Variants in BLM observed in about 807,000 individuals in gnomAD.
BLM encodes BLM RecQ like helicase.
BLM carries 95 observed loss-of-function variants against 135.3 expected under a neutral mutation model. That is an observed-to-expected ratio of 0.70 (90% CI 0.59 to 0.83). The LOEUF is 0.83. BLM is among the 40% of genes least tolerant of loss of function. The probability of loss-of-function intolerance (pLI) is 0.00; values close to 1 mark genes in which losing one functional copy is unlikely to be tolerated. For synonymous variants in BLM, 520 were observed against 589.2 expected, an observed-to-expected ratio of 0.88 and a Z score of 1.70; for missense variants, 1,518 against 1,663.9, an observed-to-expected ratio of 0.91 and a Z score of 1.53.
chr15:90,732,178 C>A (rs2151133253), intron 1 of BLM, among the ~76,000 whole-genome samples: 1 of 152,208 alleles, frequency 6.6e-6, no homozygotes, highest in East Asian at 1.9e-4. Flanking sequence ...ACTATGATAT[C>A]TTACTTGACT....
At position 90,751,772 on chromosome 15, in the gene BLM, A is replaced by G; in HGVS notation, c.800-15A>G. 1 of 1,604,296 alleles carries G rather than the reference A, an allele frequency of 6.2e-7. No individual in the cohort carries two copies. Among genetic ancestry groups the G allele is most frequent in the Non-Finnish European group, 8.5e-7 (1 of 1,171,668 alleles). On this transcript the variant is annotated splice_polypyrimidine_tract_variant and intron_variant, in intron 3 of 21. Coordinates refer to ENST00000355112, the MANE Select transcript of BLM (RefSeq NM_000057.4). ...GTGGTTAACAAATCTATGTTTATCA[A>G]CTGTTTTACTGTAGATAATAGCGAA...
At chr15:90,738,871 A>G (rs543881168) in intron 1 of BLM, among the ~76,000 whole-genome samples, 1 of 152,224 alleles carries the variant, frequency 6.6e-6, no homozygotes, top group Admixed American at 6.5e-5. Context: ...AGCCCTGTGC[A>G]TTATTTATAG....
At chr15:90,730,024 T>C (rs1247890910) in intron 1 of BLM, among the ~76,000 whole-genome samples, 1 of 152,034 alleles carries the variant, frequency 6.6e-6, no homozygotes, top group Non-Finnish European at 1.5e-5. Flanking sequence ...TTTTTTCTTA[T>C]TTTTTATTTT....
intron 15 of BLM, among the ~76,000 whole-genome samples, chr15:90,791,645 T>TTTA (rs1444534127): frequency 2.0e-5 from 3 of 150,864 alleles, no homozygotes; most frequent in African/African-American, 7.3e-5. Flanking sequence ...TATATAAGAT[T>TTTA]TTTTTTTTTT....
At chr15:90,752,090 A>C (rs1352569992) in intron 4 of BLM, 144 bp downstream of exon 4, 7 of 807,744 alleles carry the variant, frequency 8.7e-6, no homozygotes, top group South Asian at 1.9e-5. Context: ...TCAAAAAAAA[A>C]CCCTGTTTAT....
At position 90,809,278 on chromosome 15, in the gene BLM, G is replaced by A. The variant is rs1352718454; in HGVS notation, c.3874+19G>A. On this transcript the variant is annotated intron_variant, in intron 20 of 21. Transcript: ENST00000355112. ...TCGCCAGGTTAGTACACAGCCATGT[G>A]TGTTCTCTAAAAGCCTGTTTAATGT... The A allele has an allele frequency of 8.1e-6, 13 of 1,614,010 alleles. No homozygotes were observed. The highest frequency in any genetic ancestry group is 1.1e-5 in the Non-Finnish European group (13 of 1,180,014).
intron 2 of BLM, among the ~76,000 whole-genome samples, chr15:90,749,019 A>C (rs531109025): frequency 6.6e-6 from 1 of 152,180 alleles, no homozygotes; most frequent in East Asian, 1.9e-4. Context: ...TCGGCCTCCC[A>C]AAGTGCTGGG....
At chr15:90,779,410 C>T (rs577830152) in intron 12 of BLM, among the ~76,000 whole-genome samples, 58 of 152,158 alleles carry the variant, frequency 3.8e-4, no homozygotes, top group African/African-American at 1.4e-3. Flanking sequence ...TTGTTATGCC[C>T]AGTCACCATA....
At chr15:90,774,902 G>A (rs756223899) in intron 12 of BLM, among the ~76,000 whole-genome samples, 5 of 152,054 alleles carry the variant, frequency 3.3e-5, no homozygotes, top group Non-Finnish European at 7.4e-5. Flanking sequence ...ACCCTGACAA[G>A]GTGGCTTGAC....
At position 90,749,440 on chromosome 15, in the gene BLM, C is replaced by T. The variant is rs1596217837; in HGVS notation, c.172C>T (p.Pro58Ser). 1.9e-6 allele frequency: 3 copies of T among 1,611,768 alleles called. No individual in the cohort carries two copies. Among genetic ancestry groups the T allele is most frequent in the Non-Finnish European group, 2.5e-6 (3 of 1,177,894 alleles). Reference sequence around the variant, plus strand: ...AACTAATGTGTCAGTAGCAAAAACACCTGTATTAAGAAATAAAGATGTTAA... The same window carrying T: ...AACTAATGTGTCAGTAGCAAAAACATCTGTATTAAGAAATAAAGATGTTAA... ...SVTNVSVAKTPVLRNKDVNVT... is the reference protein window; with the variant it reads ...SVTNVSVAKTSVLRNKDVNVT... Residue 58 changes from proline to serine, a missense_variant, in exon 3 of 22, where the codon CCT (proline) becomes TCT (serine). Physicochemically the swap from Pro to Ser is moderately conservative, Grantham distance 74. Coordinates refer to ENST00000355112, the MANE Select transcript of BLM (RefSeq NM_000057.4).
At chr15:90,728,998 G>A (rs975849735) in intron 1 of BLM, among the ~76,000 whole-genome samples, 19 of 151,854 alleles carry the variant, frequency 1.3e-4, no homozygotes, top group South Asian at 2.1e-4. Flanking sequence ...TGGGCAACAC[G>A]GTGAGTCCCT....
chr15:90,801,345 C>A (rs1238634301), intron 17 of BLM, among the ~76,000 whole-genome samples: 1 of 151,978 alleles, frequency 6.6e-6, no homozygotes, highest in Non-Finnish European at 1.5e-5. Flanking sequence ...CAGGACAGAA[C>A]AAGATGTAAA....
chr15:90,776,220 A>G (rs1462377723), intron 12 of BLM, among the ~76,000 whole-genome samples: 5 of 152,304 alleles, frequency 3.3e-5, no homozygotes, highest in South Asian at 2.1e-4. Flanking sequence ...TGACAACTCA[A>G]TTAGGTCTTT....
intron 5 of BLM, among the ~76,000 whole-genome samples, chr15:90,758,488 AAAAAT>A (rs1009064137): frequency 3.3e-5 from 5 of 152,166 alleles, no homozygotes; most frequent in African/African-American, 1.2e-4. Flanking sequence ...ATCTGTCTCA[AAAAAT>A]AAAATAAAAT....
In BLM at chr15:90,742,590, GTC is replaced by G. The variant is rs774912502; in HGVS notation, c.-4-4783_-4-4782del. On this transcript the variant is annotated intron_variant, in intron 1 of 21. Coordinates refer to ENST00000355112, the MANE Select transcript of BLM (RefSeq NM_000057.4). ...TCTGCTGTGTTTTTCTCCATCCCATGTCTCTCTCTCTCTCTCTTTTTTTTTTA... is the reference window on the plus strand; with the variant it reads ...TCTGCTGTGTTTTTCTCCATCCCATGTCTCTCTCTCTCTCTTTTTTTTTTA... Among the ~76,000 whole-genome samples the G allele has an allele frequency of 1.7e-4, 26 of 150,544 alleles. No homozygotes were observed. In the East Asian group the frequency reaches 2.7e-3, roughly 16 times the overall value.
At chr15:90,741,090 T>G (rs1895352908) in intron 1 of BLM, among the ~76,000 whole-genome samples, 1 of 152,190 alleles carries the variant, frequency 6.6e-6, no homozygotes, top group Admixed American at 6.5e-5. Flanking sequence ...TTCCCCACAT[T>G]GTTGCCAACA....
chr15:90,794,145 C>CTA, intron 15 of BLM, 22 bp from the exon 16 acceptor site: 1 of 1,557,262 alleles, frequency 6.4e-7, no homozygotes, highest in South Asian at 1.1e-5. Flanking sequence ...GTATGTCTTA[C>CTA]TATAGTCTTC....
chr15:90,793,704 C>G (rs1271601190), intron 15 of BLM: 1 of 153,096 alleles, frequency 6.5e-6, no homozygotes, highest in East Asian at 1.9e-4. Flanking sequence ...TTAGGCATTG[C>G]TGTGTTTCCC....
chr15:90,806,301 A>G (rs965961652), intron 19 of BLM, among the ~76,000 whole-genome samples: 8 of 152,274 alleles, frequency 5.3e-5, no homozygotes, highest in African/African-American at 1.9e-4. Context: ...GCCTGAGGTC[A>G]GGAGTTCGAG....
Sources: allele counts gnomAD v4.1 joint callset (sites outside exome capture counted in the v4.1 genomes callset), GRCh38; gene constraint gnomAD v4.1.1; transcripts MANE v1.5; gene names NCBI Gene and HGNC (gene_info 2026-07-23, HGNC 2026-07-21).